The following GALNT18 variants were observed in gnomAD, a reference collection of about 807,000 sequenced individuals.
GALNT18 encodes GalNAc-transferase 18.
In GALNT18, 44 loss-of-function variants were observed where a neutral mutation model predicts 69.5. The ratio of observed to expected loss-of-function variants is 0.63; its 90% CI spans 0.50 to 0.81. The LOEUF is 0.81. Among genes scored for constraint, GALNT18 ranks in the 40% least tolerant of loss-of-function variants. The probability of loss-of-function intolerance (pLI) is 0.00; values close to 1 mark genes in which losing one functional copy is unlikely to be tolerated. For missense variants in GALNT18, 715 were observed against 810.0 expected, an observed-to-expected ratio of 0.88 and a Z score of 1.42; for synonymous variants, 364 against 318.2, an observed-to-expected ratio of 1.14 and a Z score of -1.53.
rs1426109965 is a variant in GALNT18 at position 11,432,343 on chromosome 11, G to A, written c.595+278C>T. Among the ~76,000 whole-genome samples, 1 of 152,204 alleles carries A rather than the reference G, an allele frequency of 6.6e-6. No individual in the cohort carries two copies. The highest frequency in any genetic ancestry group is 1.5e-5 in the Non-Finnish European group (1 of 68,032). On this transcript the variant is annotated intron_variant, in intron 3 of 10. Transcript: ENST00000227756. The surrounding 1 kb of genome is among the most constrained non-coding windows in gnomAD (Gnocchi z 5.8). The stretch of plus-strand genomic sequence containing the variant: ...CACTGTGTACATGGTAGGGTAGGAG[G>A]TCAGGGCCTTCTATCTTATCTATTG...
intron 1 of GALNT18, among the ~76,000 whole-genome samples, chr11:11,585,416 C>A (rs1026567976): frequency 2.0e-5 from 3 of 148,466 alleles, no homozygotes; most frequent in African/African-American, 7.5e-5. Flanking sequence ...AGTACAATGG[C>A]GTGATCTTGG....
rs943292021 is a variant in GALNT18, at chr11:11,415,075, G to A, written c.595+17546C>T. Among the ~76,000 whole-genome samples the A allele has an allele frequency of 3.9e-5, 6 of 152,320 alleles. No homozygotes were observed. In the East Asian group the frequency reaches 1.2e-3, roughly 29 times the overall value. On this transcript the variant is annotated intron_variant, in intron 3 of 10. Transcript: ENST00000227756. The surrounding 1 kb of genome is among the most constrained non-coding windows in gnomAD (Gnocchi z 4.1). ...GGAATGCTCTTGGCAACAAGAGGCT[G>A]CCCAATCTCCTTGCCGCATGGACAG...
At chr11:11,385,081 G>A (rs958398803) in intron 3 of GALNT18, among the ~76,000 whole-genome samples, 5 of 152,134 alleles carry the variant, frequency 3.3e-5, no homozygotes, top group African/African-American at 7.2e-5. Context: ...GAAGGGGAAG[G>A]GGAGCCAGGA....
At chr11:11,321,393 G>C (rs536837396) in intron 9 of GALNT18, among the ~76,000 whole-genome samples, 1 of 152,192 alleles carries the variant, frequency 6.6e-6, no homozygotes, top group Non-Finnish European at 1.5e-5. Context: ...GTGCAGTTAA[G>C]ATTCGTGTAT....
In GALNT18 at chr11:11,546,386, G is replaced by A. The variant is rs571828078; in HGVS notation, c.235+74973C>T. On this transcript the variant is annotated intron_variant, in intron 1 of 10. Transcript: ENST00000227756. This position sits in a 1 kb window ranked among gnomAD's most constrained non-coding sequence, Gnocchi z 5.8. ...TTTATTCTCTCCATTTCTGCCTTCC[G>A]CTCTCTGTGCCAACCACACCAACCT... 1.3e-5 allele frequency among the ~76,000 whole-genome samples: 2 copies of A among 151,990 alleles called. No individual in the cohort carries two copies. Among genetic ancestry groups the A allele is most frequent in the East Asian group, 1.9e-4 (1 of 5,160 alleles).
At chr11:11,560,181 G>C (rs1057200277) in intron 1 of GALNT18, among the ~76,000 whole-genome samples, 36 of 139,970 alleles carry the variant, frequency 2.6e-4, no homozygotes, top group Admixed American at 1.1e-3. Flanking sequence ...GATAGAATGA[G>C]ATATGATGGG....
intron 9 of GALNT18, 118 bp downstream of exon 9, chr11:11,326,968 C>G: frequency 1.4e-6 from 1 of 731,312 alleles, no homozygotes; most frequent in Non-Finnish European, 2.4e-6. Flanking sequence ...GGCCCCTGGT[C>G]CCAGAGCTGC....
At chr11:11,529,710 G>A (rs1322867233) in intron 1 of GALNT18, among the ~76,000 whole-genome samples, 1 of 152,138 alleles carries the variant, frequency 6.6e-6, no homozygotes, top group African/African-American at 2.4e-5. Context: ...TGTTAGAGGG[G>A]AGAAGGAGAG....
At chr11:11,276,364 T>C (rs1848947118) in intron 10 of GALNT18, among the ~76,000 whole-genome samples, 1 of 152,350 alleles carries the variant, frequency 6.6e-6, no homozygotes, top group South Asian at 2.1e-4. Flanking sequence ...CTTGTGATTT[T>C]TGCACATTGA....
At chr11:11,343,392 G>A (rs1372915353) in intron 6 of GALNT18, among the ~76,000 whole-genome samples, 1 of 151,828 alleles carries the variant, frequency 6.6e-6, no homozygotes, top group Admixed American at 6.6e-5. Context: ...AAAAAGGAAG[G>A]TCCCTTGCTC....
intron 1 of GALNT18, among the ~76,000 whole-genome samples, chr11:11,472,321 G>C (rs1276814097): frequency 1.3e-5 from 2 of 152,172 alleles, no homozygotes; most frequent in Non-Finnish European, 2.9e-5. Flanking sequence ...GGGTCACACG[G>C]GGACAGGGGT....
At chr11:11,417,357 G>C (rs1854890721) in intron 3 of GALNT18, among the ~76,000 whole-genome samples, 1 of 152,222 alleles carries the variant, frequency 6.6e-6, no homozygotes, top group African/African-American at 2.4e-5. Flanking sequence ...AATTATGAGA[G>C]AGACGGAGAG....
In GALNT18 at chr11:11,590,843, C is replaced by G. The variant is rs553438209; in HGVS notation, c.235+30516G>C. Among the ~76,000 whole-genome samples, 1 of 152,186 alleles carries G rather than the reference C, an allele frequency of 6.6e-6. No homozygotes were observed. Among genetic ancestry groups the G allele is most frequent in the East Asian group, 1.9e-4 (1 of 5,186 alleles). On this transcript the variant is annotated intron_variant, in intron 1 of 10. Transcript: ENST00000227756. This position sits in a 1 kb window ranked among gnomAD's most constrained non-coding sequence, Gnocchi z 4.4. The stretch of plus-strand genomic sequence containing the variant: ...TTATGTAAACAAACCTACCGCACTA[C>G]CGGTCATATAAAAGTATAGAACATA...
chr11:11,530,319 C>G (rs1857618353), intron 1 of GALNT18, among the ~76,000 whole-genome samples: 1 of 152,174 alleles, frequency 6.6e-6, no homozygotes, highest in Non-Finnish European at 1.5e-5. Flanking sequence ...AACAGGAAGG[C>G]AGTCCTCTTC....
intron 10 of GALNT18, among the ~76,000 whole-genome samples, chr11:11,279,748 G>A (rs1849028638): frequency 6.6e-6 from 1 of 152,216 alleles, no homozygotes; most frequent in African/African-American, 2.4e-5. Flanking sequence ...GAAGGGACTG[G>A]GAAGGTGATG....
chr11:11,323,110 G>C (rs1313332611), intron 9 of GALNT18, among the ~76,000 whole-genome samples: 1 of 152,116 alleles, frequency 6.6e-6, no homozygotes, highest in African/African-American at 2.4e-5. Flanking sequence ...ATAACATTCT[G>C]CCCCTGGCTT....
chr11:11,506,384 G>A (rs1857070381), intron 1 of GALNT18, among the ~76,000 whole-genome samples: 1 of 152,192 alleles, frequency 6.6e-6, no homozygotes, highest in Non-Finnish European at 1.5e-5. Flanking sequence ...ACCCAGGATA[G>A]TCAGGCAAGG....
intron 3 of GALNT18, among the ~76,000 whole-genome samples, chr11:11,429,024 T>C (rs1364473099): frequency 6.6e-6 from 1 of 152,192 alleles, no homozygotes; most frequent in Non-Finnish European, 1.5e-5. Flanking sequence ...GATTCTCCTC[T>C]ACAGTCAAGA....
At chr11:11,271,325 A>G in intron 10 of GALNT18, 35 bp from the exon 11 acceptor site, 5 of 1,596,718 alleles carry the variant, frequency 3.1e-6, no homozygotes, top group Non-Finnish European at 4.3e-6. Context: ...GTCAGAGGGC[A>G]TAGAGGCAAC....
Sources: allele counts gnomAD v4.1 joint callset (sites outside exome capture counted in the v4.1 genomes callset), GRCh38; gene constraint gnomAD v4.1.1; non-coding constraint Gnocchi (gnomAD v3.1); transcripts MANE v1.5; gene names NCBI Gene and HGNC (gene_info 2026-07-23, HGNC 2026-07-21).